The following KITLG variants were observed in gnomAD, a reference collection of about 807,000 sequenced individuals.
KITLG encodes c-Kit ligand.
In KITLG, 13 loss-of-function variants were observed where a neutral mutation model predicts 34.1. The observed-to-expected ratio is 0.38, with a 90% CI of 0.25 to 0.61. The LOEUF is 0.61. KITLG is among the 20% of genes least tolerant of loss of function. KITLG has a pLI of 0.60. For synonymous variants in KITLG, 110 were observed against 104.0 expected (o/e 1.06, Z -0.35); for missense variants, 292 against 318.9 (o/e 0.92, Z 0.64).
intron 9 of KITLG, among the ~76,000 whole-genome samples, chr12:88,500,051 C>T (rs190965360): frequency 6.6e-6 from 1 of 152,174 alleles, no homozygotes; most frequent in Non-Finnish European, 1.5e-5. Context: ...TCCTGGAATT[C>T]AAACCCTTTC....
At chr12:88,540,624 A>G (rs1167668665) in intron 2 of KITLG, among the ~76,000 whole-genome samples, 1 of 152,084 alleles carries the variant, frequency 6.6e-6, no homozygotes, top group East Asian at 1.9e-4. Flanking sequence ...ACATAATGGG[A>G]CCCACATCTC....
intron 3 of KITLG, among the ~76,000 whole-genome samples, chr12:88,522,213 C>T (rs1289666362): frequency 6.6e-6 from 1 of 151,924 alleles, no homozygotes; most frequent in Non-Finnish European, 1.5e-5. Flanking sequence ...ATATTAATTC[C>T]ACAGAATATG....
At chr12:88,511,507 G>A (rs1364528885) in intron 6 of KITLG, among the ~76,000 whole-genome samples, 1 of 152,146 alleles carries the variant, frequency 6.6e-6, no homozygotes, top group East Asian at 1.9e-4. Flanking sequence ...GGCTGCCGAT[G>A]CAGCTGGAGT....
intron 2 of KITLG, among the ~76,000 whole-genome samples, chr12:88,539,209 G>A (rs1046790664): frequency 3.9e-5 from 6 of 152,052 alleles, no homozygotes; most frequent in African/African-American, 4.8e-5. Context: ...GAGATCAGTG[G>A]CCACCTTGGA....
chr12:88,520,955 T>G (rs931589265), intron 3 of KITLG, among the ~76,000 whole-genome samples: 8 of 152,166 alleles, frequency 5.3e-5, no homozygotes, highest in Non-Finnish European at 1.0e-4. Flanking sequence ...AATTCCACAA[T>G]CTAATCCTAC....
intron 6 of KITLG, among the ~76,000 whole-genome samples, chr12:88,513,475 A>G (rs961689164): frequency 6.6e-6 from 1 of 151,796 alleles, no homozygotes; most frequent in African/African-American, 2.4e-5. Context: ...CTAATTAACA[A>G]TCAGAGATAC....
chr12:88,552,829 C>T (rs539040770), intron 1 of KITLG, among the ~76,000 whole-genome samples: 4 of 152,002 alleles, frequency 2.6e-5, no homozygotes, highest in South Asian at 2.1e-4. Context: ...CAGTCCCTTC[C>T]CATGTGACTT....
intron 1 of KITLG, among the ~76,000 whole-genome samples, chr12:88,572,812 T>C (rs1284285922): frequency 1.3e-5 from 2 of 151,958 alleles, no homozygotes; most frequent in Non-Finnish European, 2.9e-5. Flanking sequence ...CACCTGGAAG[T>C]AGAAAGCACC....
At chr12:88,547,971 T>C (rs1870772793) in intron 1 of KITLG, among the ~76,000 whole-genome samples, 1 of 152,082 alleles carries the variant, frequency 6.6e-6, no homozygotes, top group African/African-American at 2.4e-5. Flanking sequence ...ATACAGTATG[T>C]CAAAAGGTGT....
chr12:88,506,151 GA>G (rs1869048057), intron 8 of KITLG, among the ~76,000 whole-genome samples, 159 bp downstream of exon 8: 1 of 152,152 alleles, frequency 6.6e-6, no homozygotes, highest in South Asian at 2.1e-4. Flanking sequence ...CAGCACTGAA[GA>G]GAGAGTGAGA....
At chr12:88,527,888 G>A (rs962260907) in intron 3 of KITLG, among the ~76,000 whole-genome samples, 4 of 152,236 alleles carry the variant, frequency 2.6e-5, no homozygotes, top group East Asian at 3.9e-4. Context: ...TAAAGGGGAG[G>A]ACTGTCTCAT....
At chr12:88,566,459 G>A (rs1871446792) in intron 1 of KITLG, among the ~76,000 whole-genome samples, 1 of 152,140 alleles carries the variant, frequency 6.6e-6, no homozygotes. Context: ...TTTTTTAAAT[G>A]CTACAGGAGC....
chr12:88,541,698 A>G (rs944267562), intron 2 of KITLG, among the ~76,000 whole-genome samples: 9 of 152,208 alleles, frequency 5.9e-5, no homozygotes, highest in African/African-American at 2.2e-4. Context: ...ATTTTTTTAG[A>G]AACAAAGCAA....
At chr12:88,576,101 C>T (rs1385425843) in intron 1 of KITLG, among the ~76,000 whole-genome samples, 2 of 152,070 alleles carry the variant, frequency 1.3e-5, no homozygotes, top group Admixed American at 1.3e-4. Context: ...ACAAGGAGAA[C>T]TTAGCAAGAG....
chr12:88,561,014 T>G (rs995622658), intron 1 of KITLG, among the ~76,000 whole-genome samples: 13 of 140,746 alleles, frequency 9.2e-5, no homozygotes, highest in Admixed American at 9.2e-4. Context: ...AAGAAAACAG[T>G]GTGTTTACTC....
intron 1 of KITLG, among the ~76,000 whole-genome samples, chr12:88,575,571 A>T (rs543978463): frequency 6.6e-6 from 1 of 152,368 alleles, no homozygotes; most frequent in South Asian, 2.1e-4. Context: ...GAAAGGCTGC[A>T]GTCAATTGTT....
Position 88,493,573 on chromosome 12 carries a change from C to A in KITLG, c.*3646G>T, listed in dbSNP as rs1419328709. 1 of 151,874 alleles carries A rather than the reference C, an allele frequency of 6.6e-6. No homozygotes were observed. Among genetic ancestry groups the A allele is most frequent in the African/African-American group, 2.4e-5 (1 of 41,410 alleles). 9.4% of individuals were successfully genotyped at this position (151,874 alleles called of 1,614,324 possible). A position where few individuals can be genotyped will look rare whatever the true frequency, so the allele number is the denominator to read the frequency against. On this transcript the variant is annotated 3_prime_UTR_variant, in exon 10 of 10. Transcript: ENST00000644744. ...ATTGTTTCAAAGATAAGCTGGTTTACTTTAGATTTCTTATCCCACTTTCCA... is the reference window on the plus strand; with the variant it reads ...ATTGTTTCAAAGATAAGCTGGTTTAATTTAGATTTCTTATCCCACTTTCCA...
chr12:88,516,294 T>C (rs746523365), intron 5 of KITLG, 40 bp downstream of exon 5: 2 of 1,573,896 alleles, frequency 1.3e-6, no homozygotes, highest in African/African-American at 2.7e-5. Flanking sequence ...GATTTAAGTT[T>C]GTTGTTTACA....
chr12:88,545,964 C>A, intron 1 of KITLG, 99 bp from the exon 2 acceptor site: 1 of 771,592 alleles, frequency 1.3e-6, no homozygotes, highest in South Asian at 1.4e-5. Context: ...AAAGACCAGT[C>A]TAATATATGT....
Sources: gnomAD v4.1 joint callset for allele counts (sites outside exome capture counted in the v4.1 genomes callset) on GRCh38, gnomAD v4.1.1 for gene constraint, MANE v1.5 for transcripts, NCBI Gene and HGNC (gene_info 2026-07-23, HGNC 2026-07-21) for gene names.